DENND5B: variants seen among roughly 807,000 people sequenced by gnomAD.
DENND5B encodes DENN domain-containing protein 5B.
Under a neutral mutation model 140.6 loss-of-function variants are expected in DENND5B, and 34 were observed. That is an observed-to-expected ratio of 0.24 (90% CI 0.18 to 0.32). The LOEUF is 0.32. Among genes scored for constraint, DENND5B ranks in the 10% least tolerant of loss-of-function variants. The pLI, the probability that DENND5B is intolerant of heterozygous loss-of-function variation, is 1.00. For synonymous variants in DENND5B, 551 were observed against 562.1 expected, an observed-to-expected ratio of 0.98 and a Z score of 0.28; for missense variants, 1,142 against 1,560.2, an observed-to-expected ratio of 0.73 and a Z score of 4.52.
chr12:31,475,145 C>T lies in DENND5B; in HGVS notation c.904+4444G>A, dbSNP rs74651425. On this transcript the variant is annotated intron_variant, in intron 3 of 20. Transcript: ENST00000389082. ...AATGCACAACAGCACTAACTCACTG[C>T]TGTTGAGAGGATTAAATGTAGGGAA... 9.6e-3 allele frequency among the ~76,000 whole-genome samples: 1,466 copies of T among 152,248 alleles called. 27 individuals are homozygous for T. Among genetic ancestry groups the T allele is most frequent in the African/African-American group, 0.033 (1,388 of 41,532 alleles).
At chr12:31,466,281 A>G (rs1945261831) in intron 3 of DENND5B, among the ~76,000 whole-genome samples, 1 of 152,068 alleles carries the variant, frequency 6.6e-6, no homozygotes, top group Non-Finnish European at 1.5e-5. Context: ...TGAACCCAGG[A>G]GGCAGAGTTT....
chr12:31,397,549 C>CAAAAAAAAAAAA lies in DENND5B; in HGVS notation c.3256+614_3256+625dup, dbSNP rs1223481557. On this transcript the variant is annotated intron_variant, in intron 17 of 20. Coordinates refer to ENST00000389082, the MANE Select transcript of DENND5B (RefSeq NM_144973.4). ...GGTGACAGAGTGAGATTCCATCTCA[C>CAAAAAAAAAAAA]AAAAAAAAAAAAAAAAAAAAAAAAG... Among the ~76,000 whole-genome samples the CAAAAAAAAAAAA allele has an allele frequency of 8.5e-4, 42 of 49,320 alleles. 12 individuals carry two copies. The highest frequency in any genetic ancestry group is 1.1e-3 in the Non-Finnish European group (34 of 29,900). 32.4% of individuals were successfully genotyped at this position (49,320 alleles called of 152,430 possible). A position where few individuals can be genotyped will look rare whatever the true frequency, so the allele number is the denominator to read the frequency against.
chr12:31,570,654 AT>A (rs1025439557), intron 1 of DENND5B, among the ~76,000 whole-genome samples: 79 of 151,656 alleles, frequency 5.2e-4, no homozygotes, highest in Non-Finnish European at 7.4e-4. Context: ...GATTTTAGTA[AT>A]TTTTTTTGGC....
chr12:31,559,344 T>C (rs1949399019), intron 1 of DENND5B, among the ~76,000 whole-genome samples: 1 of 152,186 alleles, frequency 6.6e-6, no homozygotes, highest in Non-Finnish European at 1.5e-5. Context: ...CATATTATAG[T>C]CCAGAATTAG....
At chr12:31,405,516 ATG>A (rs1942075588) in intron 14 of DENND5B, among the ~76,000 whole-genome samples, 2 of 115,928 alleles carry the variant, frequency 1.7e-5, no homozygotes, top group African/African-American at 7.5e-5. Context: ...CCTGCCATGT[ATG>A]TATGTATGTA....
At chr12:31,436,669 G>A (rs1463321128) in intron 7 of DENND5B, among the ~76,000 whole-genome samples, 1 of 151,824 alleles carries the variant, frequency 6.6e-6, no homozygotes, top group Non-Finnish European at 1.5e-5. Context: ...CAAGCAGCTG[G>A]GATTACAGGC....
chr12:31,394,299 C>CCT (rs34310986), intron 17 of DENND5B, among the ~76,000 whole-genome samples: 87,268 of 151,492 alleles, frequency 0.58, 25,574 homozygotes, highest in East Asian at 0.82. Flanking sequence ...GAGAAAATAC[C>CCT]GTTATCCATT....
At chr12:31,430,618 G>A (rs1044964946) in intron 8 of DENND5B, among the ~76,000 whole-genome samples, 8 of 151,066 alleles carry the variant, frequency 5.3e-5, no homozygotes, top group Admixed American at 2.6e-4. Flanking sequence ...CCAAGATCAC[G>A]CCACTGCATT....
At chr12:31,392,541 T>C (rs1430146720) in intron 18 of DENND5B, 73 bp downstream of exon 18, 1 of 1,521,818 alleles carries the variant, frequency 6.6e-7, no homozygotes, top group Non-Finnish European at 8.8e-7. Context: ...AAGCACCCCA[T>C]ATTGCCTCGT....
At chr12:31,402,477 A>C (rs1377570592) in intron 15 of DENND5B, 21 bp downstream of exon 15, 1 of 1,597,828 alleles carries the variant, frequency 6.3e-7, no homozygotes, top group East Asian at 2.2e-5. Context: ...TTCTTCTAGG[A>C]AAGGTATTAG....
chr12:31,466,091 G>A (rs1338927543), intron 3 of DENND5B, among the ~76,000 whole-genome samples: 5 of 152,236 alleles, frequency 3.3e-5, no homozygotes, highest in Admixed American at 6.5e-5. Context: ...TGGGTGTGGT[G>A]GCTCACGCCT....
intron 2 of DENND5B, among the ~76,000 whole-genome samples, chr12:31,493,941 C>A (rs1210742823): frequency 1.3e-5 from 2 of 152,042 alleles, no homozygotes; most frequent in Admixed American, 1.3e-4. Flanking sequence ...CCCATTCTTA[C>A]GTATATACCC....
chr12:31,453,679 C>G (rs1473438343), intron 4 of DENND5B, among the ~76,000 whole-genome samples: 2 of 152,084 alleles, frequency 1.3e-5, no homozygotes, highest in African/African-American at 2.4e-5. Context: ...TCCCCCACCC[C>G]CAGGCACCAA....
chr12:31,489,267 G>A (rs1011260658), intron 2 of DENND5B, among the ~76,000 whole-genome samples: 5 of 152,020 alleles, frequency 3.3e-5, no homozygotes, highest in African/African-American at 1.2e-4. Context: ...ACATTTCTCA[G>A]AATGTCTCCC....
At chr12:31,432,276 T>C (rs1261905235) in intron 8 of DENND5B, 12 of 177,240 alleles carry the variant, frequency 6.8e-5, no homozygotes, top group Non-Finnish European at 1.3e-4. Context: ...GGGAAGAAAA[T>C]ACAGTAGCCG....
chr12:31,417,090 C>T (rs1942787230), intron 11 of DENND5B, among the ~76,000 whole-genome samples: 1 of 145,070 alleles, frequency 6.9e-6, no homozygotes, highest in Non-Finnish European at 1.5e-5. Flanking sequence ...GGCGCTGTGG[C>T]TCACACCTGT....
intron 1 of DENND5B, among the ~76,000 whole-genome samples, chr12:31,526,873 A>T (rs928746127): frequency 6.6e-6 from 1 of 152,220 alleles, no homozygotes; most frequent in Non-Finnish European, 1.5e-5. Context: ...ATTTCAAAAT[A>T]CTGTTGTGAC....
Position 31,469,346 on chromosome 12 carries a change from A to AAAG in DENND5B, c.905-8968_905-8966dup, listed in dbSNP as rs527879588. ...AGACTCCATCTCAAAAAAAAAAAAA[A>AAAG]AAGAAGAAGAAGAAGAAGAAGAAAT... On this transcript the variant is annotated intron_variant, in intron 3 of 20. Transcript: ENST00000389082. 5.8e-3 allele frequency among the ~76,000 whole-genome samples: 750 copies of AAAG among 130,128 alleles called. 63 individuals carry two copies. The highest frequency in any genetic ancestry group is 8.1e-3 in the Middle Eastern group (2 of 246). The allele number at this position is 130,128 out of a possible 152,430, so 85.4% of individuals were successfully genotyped here. A position where few individuals can be genotyped will look rare whatever the true frequency, so the allele number is the denominator to read the frequency against.
chr12:31,461,504 TGTTTG>T (rs1407453755), intron 3 of DENND5B, among the ~76,000 whole-genome samples: 1 of 152,200 alleles, frequency 6.6e-6, no homozygotes, highest in Non-Finnish European at 1.5e-5. Context: ...CCGATTTAAA[TGTTTG>T]GAAGTAGATA....
Sources: allele counts gnomAD v4.1 joint callset (sites outside exome capture counted in the v4.1 genomes callset), GRCh38; gene constraint gnomAD v4.1.1; transcripts MANE v1.5; gene names NCBI Gene and HGNC (gene_info 2026-07-23, HGNC 2026-07-21).